ELN: variants seen among roughly 807,000 people sequenced by gnomAD.
The protein encoded by ELN is tropoelastin.
ELN carries 65 observed loss-of-function variants against 105.8 expected under a neutral mutation model. That is an observed-to-expected ratio of 0.61 (90% confidence interval 0.50 to 0.75). The LOEUF is 0.75. ELN is among the 30% of genes least tolerant of loss of function. ELN has a pLI of 0.00. For missense variants in ELN, 882 were observed against 969.4 expected (o/e 0.91, Z 1.20); for synonymous variants, 368 against 389.2 (o/e 0.95, Z 0.64).
At chr7:74,040,304 C>G (rs1468923962) in intron 4 of ELN, among the ~76,000 whole-genome samples, 1 of 152,230 alleles carries the variant, frequency 6.6e-6, no homozygotes, top group African/African-American at 2.4e-5. Context: ...GTGGGTCTGG[C>G]CCGGGTGCTG....
intron 13 of ELN, 78 bp from the exon 14 acceptor site, chr7:74,048,063 CG>C: frequency 6.3e-7 from 1 of 1,582,342 alleles, no homozygotes; most frequent in Non-Finnish European, 8.7e-7. Context: ...GCTTGGGCCC[CG>C]AGGGCAGAGC....
At chr7:74,036,241 C>T (rs1201047707) in intron 2 of ELN, among the ~76,000 whole-genome samples, 1 of 151,870 alleles carries the variant, frequency 6.6e-6, no homozygotes, top group African/African-American at 2.4e-5. Flanking sequence ...TTACAGTGAG[C>T]CGAGATCGCG....
chr7:74,063,168 G>C lies in ELN; in HGVS notation c.1802G>C (p.Gly601Ala), dbSNP rs2132484245. 1.2e-6 allele frequency: 2 copies of C among 1,608,554 alleles called. No homozygotes were observed. The highest frequency in any genetic ancestry group is 4.5e-5 in the East Asian group (2 of 44,752). The change falls in exon 27 of 33, where the codon GGG becomes GCG. Residue 601 changes from glycine to alanine, a missense_variant. Transcript: ENST00000252034. The surrounding 1 kb of genome is among the most constrained non-coding windows in gnomAD (Gnocchi z 4.1). ...CTCCCCGCAGGAGCAGCAGTGCCTG[G>C]GGTCCTTGGAGGGCTCGGGGCTCTC... Reference protein sequence around the residue: ...KAAKYGAAVPGVLGGLGALGG... With the variant: ...KAAKYGAAVPAVLGGLGALGG...
chr7:74,060,036 G>A lies in ELN; in HGVS notation c.1565G>A (p.Gly522Asp), dbSNP rs1554683150. The A allele has an allele frequency of 6.2e-7, 1 of 1,614,088 alleles. No homozygotes were observed. The highest frequency in any genetic ancestry group is 1.6e-4 in the Middle Eastern group (1 of 6,062). ...GVGVAPGIGPGGVAAAAKSAA... is the reference protein window; with the variant it reads ...GVGVAPGIGPDGVAAAAKSAA... ...GGCGTGGCTCCCGGCATTGGCCCTG[G>A]TGGAGTTGCAGGTGAGTTTCATGAG... is the stretch of plus-strand genomic sequence containing the variant. Residue 522 changes from glycine to aspartate, a missense_variant, in exon 23 of 33, where the codon GGT becomes GAT. Physicochemically the swap from Gly to Asp is moderately conservative, Grantham distance 94. Transcript: ENST00000252034.
At position 74,043,119 on chromosome 7, in the gene ELN, T is replaced by A; in HGVS notation, c.378T>A (p.Gly126=). 6.2e-7 allele frequency: 1 copy of A among 1,613,586 alleles called. No homozygotes were observed. The highest frequency in any genetic ancestry group is 8.5e-7 in the Non-Finnish European group (1 of 1,179,832). The part of the protein sequence containing the change: ...PGVGGLGVSA[G]AVVPQPGAGV... ...CTGATGCAGCCCCTTCTGTGCCAGG[T>A]GCGGTGGTTCCTCAGCCTGGAGCCG... Residue 126 remains glycine, a splice_region_variant and synonymous_variant, in exon 8 of 33, where the codon GGT becomes GGA. Coordinates refer to ENST00000252034, the MANE Select transcript of ELN (RefSeq NM_000501.4).
chr7:74,037,589 G>A (rs75792322), intron 3 of ELN, 118 bp from the exon 4 acceptor site: 8 of 1,449,470 alleles, frequency 5.5e-6, no homozygotes, highest in Admixed American at 4.0e-5. Flanking sequence ...AAGTCTGAGC[G>A]GGAGGACCTG....
chr7:74,043,330 T>C lies in ELN; in HGVS notation c.427+162T>C. ...CAGGCTGGTGCCTGCGTCTGTGAAA[T>C]GGGGAGGAGGGGCCTGGCCCACTTC... On this transcript the variant is annotated intron_variant, in intron 8 of 32. Coordinates refer to ENST00000252034, the MANE Select transcript of ELN (RefSeq NM_000501.4). The C allele has an allele frequency of 1.3e-5, 15 of 1,111,328 alleles. No individual in the cohort carries two copies. In the South Asian group the frequency reaches 1.7e-4, roughly 13 times the overall value. The allele number at this position is 1,111,328 out of a possible 1,614,324, so 68.8% of individuals were successfully genotyped here.
intron 8 of ELN, 46 bp downstream of exon 8, chr7:74,043,214 G>A (rs1554669955): frequency 6.4e-7 from 1 of 1,557,600 alleles, no homozygotes. Flanking sequence ...GCAGGGAGGG[G>A]CAGAGGGCAG....
chr7:74,052,314 A>G (rs1794221993), intron 17 of ELN: 3 of 412,216 alleles, frequency 7.3e-6, no homozygotes, highest in Admixed American at 3.6e-5. Flanking sequence ...AATAGATCAC[A>G]TTCTAGCTAT....
At position 74,041,216 on chromosome 7, in the gene ELN, T is replaced by C. The variant is rs1005603513; in HGVS notation, c.197T>C (p.Val66Ala). The C allele has an allele frequency of 5.0e-6, 8 of 1,613,636 alleles. No individual in the cohort carries two copies. Among genetic ancestry groups the C allele is most frequent in the East Asian group, 2.2e-5 (1 of 44,878 alleles). Reference sequence around the variant, plus strand: ...TCCTGTCTCTGTTTCTTATCCACAGTTCCCGGAGGGCTTGCGGGTGCTGGC... The same window carrying C: ...TCCTGTCTCTGTTTCTTATCCACAGCTCCCGGAGGGCTTGCGGGTGCTGGC... ...LGPGGKPLKPVPGGLAGAGLG... is the reference protein window; with the variant it reads ...LGPGGKPLKPAPGGLAGAGLG... Residue 66 changes from valine (V) to alanine (A), a missense_variant and splice_region_variant, in exon 5 of 33, where the codon GTT becomes GCT. Val to Ala is a moderately conservative substitution (Grantham distance 64). Coordinates refer to ENST00000252034, the MANE Select transcript of ELN (RefSeq NM_000501.4).
At chr7:74,035,767 G>C (rs1789791865) in intron 2 of ELN, 1 of 356,796 alleles carries the variant, frequency 2.8e-6, no homozygotes, top group Non-Finnish European at 5.4e-6. Context: ...AAATGAAAAT[G>C]AAGTATAGAA....
Position 74,063,513 on chromosome 7 carries a change from A to G in ELN, c.1919-108A>G, listed in dbSNP as rs1015665565. On this transcript the variant is annotated intron_variant, in intron 28 of 32. Transcript: ENST00000252034. The surrounding 1 kb of genome is among the most constrained non-coding windows in gnomAD (Gnocchi z 4.1). Reference sequence around the variant, plus strand: ...ACTGTGCCATCGAAGGCCAGGGGAGACCTCAGGCTCCACCTGTGTCCCCAG... The same window carrying G: ...ACTGTGCCATCGAAGGCCAGGGGAGGCCTCAGGCTCCACCTGTGTCCCCAG... 3 of 1,607,668 alleles carry G rather than the reference A, an allele frequency of 1.9e-6. No homozygotes were observed. Among genetic ancestry groups the G allele is most frequent in the Non-Finnish European group, 2.5e-6 (3 of 1,176,478 alleles).
chr7:74,050,507 A>G (rs1428024679), intron 15 of ELN, among the ~76,000 whole-genome samples: 2 of 148,292 alleles, frequency 1.3e-5, no homozygotes, highest in East Asian at 4.0e-4. Context: ...CCCTCCATCC[A>G]TTCCTCCATG....
chr7:74,065,970 G>C lies in ELN; in HGVS notation c.2059G>C (p.Gly687Arg). Residue 687 changes from glycine to arginine, a missense_variant, in exon 31 of 33, where the codon GGG becomes CGG. By Grantham distance (125) the Gly-to-Arg change is moderately radical. Coordinates refer to ENST00000252034, the MANE Select transcript of ELN (RefSeq NM_000501.4). ...TGCTGCTGGCCTTGGAGGTGTCCTA[G>C]GGGGTGCCGGGCAGTTCCCACTTGG... ...YGAAGLGGVL[G>R]GAGQFPLGGV... 6.2e-7 allele frequency: 1 copy of C among 1,614,030 alleles called. No homozygotes were observed. The highest frequency in any genetic ancestry group is 8.5e-7 in the Non-Finnish European group (1 of 1,179,942).
intron 15 of ELN, among the ~76,000 whole-genome samples, chr7:74,050,234 C>A (rs1462350641): frequency 2.6e-5 from 4 of 151,460 alleles, no homozygotes; most frequent in Non-Finnish European, 5.9e-5. Context: ...TCCATCCATT[C>A]TTCCCTCTAT....
At chr7:74,064,965 G>A (rs1797618364) in intron 29 of ELN, among the ~76,000 whole-genome samples, 1 of 152,162 alleles carries the variant, frequency 6.6e-6, no homozygotes. Flanking sequence ...TTGGGGCCGG[G>A]CATGGTGGCT....
chr7:74,053,425 C>A, intron 18 of ELN, 116 bp downstream of exon 18: 1 of 1,532,058 alleles, frequency 6.5e-7, no homozygotes, highest in Non-Finnish European at 8.8e-7. Flanking sequence ...TAACCATCTG[C>A]CCATACCCTT....
intron 15 of ELN, among the ~76,000 whole-genome samples, chr7:74,049,464 A>G (rs1401085068): frequency 6.7e-6 from 1 of 149,140 alleles, no homozygotes; most frequent in Non-Finnish European, 1.5e-5. Context: ...CCCTCGCTCC[A>G]TTCATCCATC....
intron 15 of ELN, 26 bp from the exon 16 acceptor site, chr7:74,051,724 A>G (rs782182501): frequency 1.2e-6 from 2 of 1,613,488 alleles, no homozygotes; most frequent in Non-Finnish European, 1.7e-6. Flanking sequence ...TTGGGAAACT[A>G]CATTGCACTG....
Sources: allele counts gnomAD v4.1 joint callset (sites outside exome capture counted in the v4.1 genomes callset), GRCh38; gene constraint gnomAD v4.1.1; non-coding constraint Gnocchi (gnomAD v3.1); transcripts MANE v1.5; gene names NCBI Gene and HGNC (gene_info 2026-07-23, HGNC 2026-07-21).